The following NLK variants were observed in gnomAD, a reference collection of about 807,000 sequenced individuals.
NLK encodes the protein serine/threonine-protein kinase NLK.
Under a neutral mutation model 59.0 loss-of-function variants are expected in NLK, and 11 were observed. The observed-to-expected ratio is 0.19, with a 90% CI of 0.12 to 0.31. The LOEUF (loss-of-function observed/expected upper bound fraction) is 0.31, where lower values mean the gene tolerates loss of function less well. Among genes scored for constraint, NLK ranks in the 10% least tolerant of loss-of-function variants. NLK has a pLI of 1.00. For synonymous variants in NLK, 235 were observed against 235.9 expected, an observed-to-expected ratio of 1.00 and a Z score of 0.03; for missense variants, 410 against 661.1, an observed-to-expected ratio of 0.62 and a Z score of 4.16.
intron 1 of NLK, among the ~76,000 whole-genome samples, chr17:28,054,149 T>C (rs1316960577): frequency 6.6e-6 from 1 of 152,236 alleles, no homozygotes; most frequent in East Asian, 1.9e-4. Flanking sequence ...AATTGGCAAG[T>C]AATGTGGTTA....
At chr17:28,128,465 TA>T (rs974689773) in intron 2 of NLK, among the ~76,000 whole-genome samples, 3 of 152,190 alleles carry the variant, frequency 2.0e-5, no homozygotes, top group African/African-American at 7.2e-5. Flanking sequence ...GTTATATATC[TA>T]AATATCATAT....
chr17:28,047,790 C>T (rs916345955), intron 1 of NLK: 11 of 390,404 alleles, frequency 2.8e-5, no homozygotes, highest in Admixed American at 4.4e-5. Context: ...CCTCTTACTC[C>T]ACATAACAAA....
intron 1 of NLK, among the ~76,000 whole-genome samples, chr17:28,054,000 C>A (rs541966502): frequency 1.3e-5 from 2 of 152,170 alleles, no homozygotes; most frequent in African/African-American, 4.8e-5. Flanking sequence ...TCCCCACTTT[C>A]TTCTCCACTT....
At chr17:28,204,028 T>TC in the NLK span, among the ~76,000 whole-genome samples, 25 of 152,232 alleles carry the variant, frequency 1.6e-4, no homozygotes, top group Admixed American at 1.2e-3. Context: ...TGCATGTCTG[T>TC]CCATGTTTCA....
chr17:28,178,250 G>A (rs1016247710), intron 7 of NLK, among the ~76,000 whole-genome samples: 6 of 152,162 alleles, frequency 3.9e-5, no homozygotes, highest in Non-Finnish European at 7.4e-5. Context: ...AGCTGGTCAT[G>A]GTGCTCAGGA....
chr17:28,121,690 G>T (rs1054616252), intron 1 of NLK, among the ~76,000 whole-genome samples: 2 of 150,582 alleles, frequency 1.3e-5, no homozygotes, highest in African/African-American at 4.9e-5. Context: ...GTAGAGACGG[G>T]GTTTCACCAT....
chr17:28,166,190 G>T (rs558510374), intron 5 of NLK, among the ~76,000 whole-genome samples: 2 of 152,206 alleles, frequency 1.3e-5, no homozygotes, highest in African/African-American at 4.8e-5. Flanking sequence ...ACTTCAGTCT[G>T]GGTGACAGAG....
chr17:28,057,185 T>C (rs1909473382), intron 1 of NLK, among the ~76,000 whole-genome samples: 1 of 152,072 alleles, frequency 6.6e-6, no homozygotes, highest in Admixed American at 6.6e-5. Context: ...GAACTCCTGA[T>C]GTCAGGTGAT....
In NLK at chr17:28,109,168, C is replaced by A. The variant is rs1320137320; in HGVS notation, c.459-13435C>A. Among the ~76,000 whole-genome samples, 6 of 150,044 alleles carry A rather than the reference C, an allele frequency of 4.0e-5. 1 individual carries two copies. Among genetic ancestry groups the A allele is most frequent in the Admixed American group, 4.0e-4 (6 of 15,114 alleles). ...CCTGGGCAACACAGCGAGACTTCGT[C>A]TCACAAAAGAAAAAAAAAAAAAAGA... On this transcript the variant is annotated intron_variant, in intron 1 of 10. Coordinates refer to ENST00000407008, the MANE Select transcript of NLK (RefSeq NM_016231.5).
At chr17:28,095,080 A>C (rs1904653518) in intron 1 of NLK, among the ~76,000 whole-genome samples, 1 of 152,120 alleles carries the variant, frequency 6.6e-6, no homozygotes, top group Non-Finnish European at 1.5e-5. Flanking sequence ...TAGAAGGAAA[A>C]ATTGGGAAGA....
chr17:28,058,603 A>G (rs577410048), intron 1 of NLK, among the ~76,000 whole-genome samples: 2 of 152,286 alleles, frequency 1.3e-5, no homozygotes, highest in Non-Finnish European at 2.9e-5. Context: ...GAAAGCTTCT[A>G]GGCTGGGCAT....
At chr17:28,197,719 A>C (rs2142078759), downstream of NLK, among the ~76,000 whole-genome samples, 1 of 152,022 alleles carries the variant, frequency 6.6e-6, no homozygotes. Flanking sequence ...CATAAGGCTT[A>C]GAATTTTTGT....
intron 1 of NLK, among the ~76,000 whole-genome samples, chr17:28,085,568 CATCTCTACTAAAAATACAAAA>C (rs896616367): frequency 6.6e-6 from 1 of 151,988 alleles, no homozygotes; most frequent in Non-Finnish European, 1.5e-5. Flanking sequence ...GGTGAAACCC[CATCTCTACTAAAAATACAAAA>C]AGTAGCCAGG....
At chr17:28,059,951 A>G (rs1053737248) in intron 1 of NLK, among the ~76,000 whole-genome samples, 6 of 152,208 alleles carry the variant, frequency 3.9e-5, no homozygotes, top group African/African-American at 1.4e-4. Context: ...GGGAGTGATG[A>G]TTCCTAAGTA....
intron 1 of NLK, among the ~76,000 whole-genome samples, chr17:28,091,243 G>A (rs921225344): frequency 6.6e-6 from 1 of 152,064 alleles, no homozygotes; most frequent in Non-Finnish European, 1.5e-5. Flanking sequence ...TATGGCTACA[G>A]TCATATGTAT....
chr17:28,073,887 A>G (rs1910089033), intron 1 of NLK, among the ~76,000 whole-genome samples: 1 of 152,186 alleles, frequency 6.6e-6, no homozygotes, highest in Non-Finnish European at 1.5e-5. Flanking sequence ...ACTGAATTCT[A>G]TTTATTTCTA....
At chr17:28,176,725 C>T (rs1004211921) in intron 7 of NLK, among the ~76,000 whole-genome samples, 1 of 152,132 alleles carries the variant, frequency 6.6e-6, no homozygotes, top group Non-Finnish European at 1.5e-5. Context: ...AATTTTACAG[C>T]AAGTTAGTTA....
At chr17:28,200,394 A>G (rs988934654), downstream of NLK, among the ~76,000 whole-genome samples, 1 of 152,246 alleles carries the variant, frequency 6.6e-6, no homozygotes, top group African/African-American at 2.4e-5. Flanking sequence ...TTCAGACACC[A>G]TTGTTGGCTC....
At chr17:28,132,834 G>A (rs988668685) in intron 3 of NLK, among the ~76,000 whole-genome samples, 159 bp downstream of exon 3, 3 of 152,154 alleles carry the variant, frequency 2.0e-5, no homozygotes, top group Admixed American at 1.3e-4. Flanking sequence ...CTGTGTGTCT[G>A]GCAGAGCTCA....
Sources: allele counts gnomAD v4.1 joint callset (sites outside exome capture counted in the v4.1 genomes callset), GRCh38; gene constraint gnomAD v4.1.1; transcripts MANE v1.5; gene names NCBI Gene and HGNC (gene_info 2026-07-23, HGNC 2026-07-21).